Variants in SGMS1 observed in about 807,000 individuals in gnomAD.
The protein encoded by SGMS1 is sphingomyelin synthase 1, also known as phosphatidylcholine:ceramide cholinephosphotransferase 1.
Under a neutral mutation model 46.2 loss-of-function variants are expected in SGMS1, and 13 were observed. The ratio of observed to expected loss-of-function variants is 0.28; its 90% CI spans 0.18 to 0.45. The LOEUF (loss-of-function observed/expected upper bound fraction) is 0.45, where lower values mean the gene tolerates loss of function less well. Among genes scored for constraint, SGMS1 ranks in the 20% least tolerant of loss-of-function variants. SGMS1 has a pLI of 1.00. For missense variants in SGMS1, 324 were observed against 519.9 expected, an observed-to-expected ratio of 0.62 and a Z score of 3.66; for synonymous variants, 203 against 187.8, an observed-to-expected ratio of 1.08 and a Z score of -0.66.
At chr10:50,613,180 T>C (rs1394540770) in intron 1 of SGMS1, among the ~76,000 whole-genome samples, 1 of 149,242 alleles carries the variant, frequency 6.7e-6, no homozygotes, top group Non-Finnish European at 1.5e-5. Flanking sequence ...CACTTCTGGC[T>C]CCATCTACAC....
intron 2 of SGMS1, among the ~76,000 whole-genome samples, chr10:50,563,472 G>A (rs1037127086): frequency 6.6e-5 from 10 of 152,090 alleles, no homozygotes; most frequent in Non-Finnish European, 1.0e-4. Context: ...GGCCGGGCGC[G>A]GTGGCTCACG....
Position 50,482,254 on chromosome 10 carries a change from T to C in SGMS1, c.-497-15322A>G, listed in dbSNP as rs140039535. Reference sequence around the variant, plus strand: ...CAAGGTCAAAGTGAAGGAAAAAATGTTAAGGGAAGCCAGAGAGAAAGGCCA... The same window carrying C: ...CAAGGTCAAAGTGAAGGAAAAAATGCTAAGGGAAGCCAGAGAGAAAGGCCA... On this transcript the variant is annotated intron_variant, in intron 3 of 10. Coordinates refer to ENST00000361781, the MANE Select transcript of SGMS1 (RefSeq NM_147156.4). 3.1e-3 allele frequency among the ~76,000 whole-genome samples: 471 copies of C among 152,130 alleles called. 2 individuals carry two copies. Among genetic ancestry groups the C allele is most frequent in the African/African-American group, 0.011 (454 of 41,494 alleles).
chr10:50,475,579 TA>T (rs1837413420), intron 3 of SGMS1, among the ~76,000 whole-genome samples: 1 of 152,210 alleles, frequency 6.6e-6, no homozygotes, highest in African/African-American at 2.4e-5. Flanking sequence ...CAGGTTGATA[TA>T]GTTTGGCTCT....
At chr10:50,458,686 G>T (rs1837227392) in intron 5 of SGMS1, among the ~76,000 whole-genome samples, 1 of 151,964 alleles carries the variant, frequency 6.6e-6, no homozygotes, top group South Asian at 2.1e-4. Flanking sequence ...ACATGAGCTT[G>T]GGTAAGTTTC....
chr10:50,560,837 A>G (rs1373533242), intron 2 of SGMS1, among the ~76,000 whole-genome samples: 1 of 152,124 alleles, frequency 6.6e-6, no homozygotes, highest in African/African-American at 2.4e-5. Context: ...CCAGACACTG[A>G]GCAAAGTGAG....
intron 1 of SGMS1, among the ~76,000 whole-genome samples, chr10:50,610,698 C>T (rs892194887): frequency 6.6e-6 from 1 of 152,178 alleles, no homozygotes; most frequent in African/African-American, 2.4e-5. Context: ...AATTACCAAC[C>T]TTGTGAACAG....
intron 6 of SGMS1, among the ~76,000 whole-genome samples, chr10:50,422,418 T>A (rs1849269269): frequency 6.6e-6 from 1 of 152,182 alleles, no homozygotes; most frequent in Non-Finnish European, 1.5e-5. Flanking sequence ...GATGCGTTTC[T>A]GTGCTCTTTG....
intron 2 of SGMS1, among the ~76,000 whole-genome samples, chr10:50,574,963 G>GTGTA (rs1554793448): frequency 1.0e-5 from 1 of 99,864 alleles, no homozygotes. Flanking sequence ...AAAATGTGGT[G>GTGTA]TATATATATA....
chr10:50,311,091 T>TC (rs1221337938), intron 9 of SGMS1, among the ~76,000 whole-genome samples, 171 bp downstream of exon 9: 2 of 152,172 alleles, frequency 1.3e-5, no homozygotes, highest in Non-Finnish European at 2.9e-5. Flanking sequence ...GTTCTGTCCT[T>TC]CCACATATTT....
At chr10:50,471,555 T>C (rs773999894) in intron 3 of SGMS1, among the ~76,000 whole-genome samples, 7 of 152,190 alleles carry the variant, frequency 4.6e-5, no homozygotes, top group Admixed American at 1.3e-4. Context: ...CTGGTGGAAT[T>C]AGTGTGTATG....
intron 1 of SGMS1, among the ~76,000 whole-genome samples, chr10:50,620,501 T>C (rs565299943): frequency 3.9e-5 from 6 of 152,318 alleles, no homozygotes; most frequent in African/African-American, 1.4e-4. Flanking sequence ...TGGGAAAGTG[T>C]ATATGGCAAT....
intron 4 of SGMS1, among the ~76,000 whole-genome samples, chr10:50,464,589 C>T (rs1189419562): frequency 1.3e-5 from 2 of 152,222 alleles, no homozygotes; most frequent in African/African-American, 2.4e-5. Flanking sequence ...TCCACCACCA[C>T]ATCTGGCTAA....
At chr10:50,519,630 C>G (rs1265867947) in intron 3 of SGMS1, among the ~76,000 whole-genome samples, 1 of 152,174 alleles carries the variant, frequency 6.6e-6, no homozygotes, top group African/African-American at 2.4e-5. Flanking sequence ...GAGCTGGCCT[C>G]TTTAAGTGTG....
intron 6 of SGMS1, among the ~76,000 whole-genome samples, chr10:50,354,314 A>T (rs1160354523): frequency 1.3e-5 from 2 of 152,238 alleles, no homozygotes; most frequent in Non-Finnish European, 2.9e-5. Flanking sequence ...GATCTTTGAC[A>T]AACCTGACAA....
chr10:50,554,264 A>C (rs1268955721), intron 2 of SGMS1, among the ~76,000 whole-genome samples: 1 of 152,202 alleles, frequency 6.6e-6, no homozygotes, highest in Non-Finnish European at 1.5e-5. Flanking sequence ...TGCAGTACTC[A>C]TTGTCAGTAA....
intron 6 of SGMS1, among the ~76,000 whole-genome samples, chr10:50,358,551 T>C (rs888174017): frequency 3.9e-5 from 6 of 152,014 alleles, no homozygotes; most frequent in African/African-American, 1.2e-4. Context: ...TAACTGGGCG[T>C]GGTAGCTCAT....
intron 3 of SGMS1, chr10:50,473,025 C>T (rs1251554852): frequency 1.3e-5 from 2 of 152,192 alleles, no homozygotes; most frequent in East Asian, 3.8e-4. Context: ...ATTACCACCA[C>T]ACTATATTAG....
At chr10:50,446,519 CTG>C (rs1837016707) in intron 5 of SGMS1, among the ~76,000 whole-genome samples, 1 of 152,188 alleles carries the variant, frequency 6.6e-6, no homozygotes, top group Admixed American at 6.5e-5. Context: ...CAGCCAAAAA[CTG>C]TAGACCATCC....
At chr10:50,542,583 A>G (rs1045130259) in intron 2 of SGMS1, among the ~76,000 whole-genome samples, 1 of 151,662 alleles carries the variant, frequency 6.6e-6, no homozygotes, top group Non-Finnish European at 1.5e-5. Context: ...CAAAAAGCAA[A>G]CTACCATAAA....
Sources: allele counts gnomAD v4.1 joint callset (sites outside exome capture counted in the v4.1 genomes callset), GRCh38; gene constraint gnomAD v4.1.1; transcripts MANE v1.5; gene names NCBI Gene and HGNC (gene_info 2026-07-23, HGNC 2026-07-21).